The following E2F5 variants were observed in gnomAD, a reference collection of about 807,000 sequenced individuals.
The protein encoded by E2F5 is E2F transcription factor 5, also known as transcription factor E2F5.
E2F5 carries 23 observed loss-of-function variants against 39.1 expected under a neutral mutation model. That is an observed-to-expected ratio of 0.59 (90% CI 0.42 to 0.83). The LOEUF (loss-of-function observed/expected upper bound fraction) is 0.83. E2F5 is among the 40% of genes least tolerant of loss of function. The pLI is 0.00. For synonymous variants in E2F5, 145 were observed against 157.8 expected (o/e 0.92, Z 0.61); for missense variants, 365 against 406.7 (o/e 0.90, Z 0.88).
chr8:85,185,338 C>T (rs966173943), intron 1 of E2F5, among the ~76,000 whole-genome samples: 2 of 152,100 alleles, frequency 1.3e-5, no homozygotes, highest in Non-Finnish European at 2.9e-5. Context: ...GGAGCCCTTC[C>T]TTACACCTTA....
At chr8:85,192,353 C>T (rs1034039225) in intron 1 of E2F5, among the ~76,000 whole-genome samples, 3 of 152,004 alleles carry the variant, frequency 2.0e-5, no homozygotes, top group African/African-American at 7.2e-5. Context: ...GGTTTGGAAC[C>T]CAAGATAAAG....
intron 1 of E2F5, among the ~76,000 whole-genome samples, chr8:85,183,817 A>G (rs1329720000): frequency 6.6e-6 from 1 of 152,204 alleles, no homozygotes; most frequent in Non-Finnish European, 1.5e-5. Flanking sequence ...TCATATGTTG[A>G]AGGCCTTACC....
intron 1 of E2F5, among the ~76,000 whole-genome samples, chr8:85,194,270 C>G (rs4150906): frequency 1.1e-3 from 174 of 151,998 alleles, no homozygotes; most frequent in African/African-American, 3.9e-3. Context: ...ATGGGCTATT[C>G]GGCAGTTAAT....
At chr8:85,191,120 A>G (rs775823018) in intron 1 of E2F5, among the ~76,000 whole-genome samples, 1 of 152,320 alleles carries the variant, frequency 6.6e-6, no homozygotes, top group Non-Finnish European at 1.5e-5. Flanking sequence ...CTACTATTCA[A>G]CCATTAAAAA....
rs759163613 is a variant in E2F5 at position 85,206,766 on chromosome 8, C to T, written c.550+546C>T. On this transcript the variant is annotated intron_variant, in intron 4 of 7. Coordinates refer to ENST00000416274, the MANE Select transcript of E2F5 (RefSeq NM_001951.4). The stretch of plus-strand genomic sequence containing the variant: ...TATTAATATAACTAAAATGGGGGGA[C>T]GTGTGTTCCCAAAATTATAGCACAA... Among the ~76,000 whole-genome samples, 6 of 151,942 alleles carry T rather than the reference C, an allele frequency of 3.9e-5. No homozygotes were observed. The South Asian group carries it at 1.0e-3, about 26-fold the overall frequency.
At chr8:85,180,781 A>G (rs1216367875) in intron 1 of E2F5, among the ~76,000 whole-genome samples, 4 of 150,368 alleles carry the variant, frequency 2.7e-5, no homozygotes, top group South Asian at 2.1e-4. Flanking sequence ...GGGTTTCACC[A>G]TGTTAGCCAG....
chr8:85,212,092 G>A (rs1812937939), intron 6 of E2F5, 65 bp from the exon 7 acceptor site: 1 of 1,266,882 alleles, frequency 7.9e-7, no homozygotes, highest in Admixed American at 1.8e-5. Flanking sequence ...GTGACTACTT[G>A]TGTTTAAATA....
intron 2 of E2F5, 92 bp downstream of exon 2, chr8:85,202,348 C>T: frequency 3.2e-6 from 3 of 926,728 alleles, no homozygotes; most frequent in Non-Finnish European, 4.8e-6. Context: ...TCTCCCAAAT[C>T]CTCTATTTCA....
chr8:85,196,157 C>A (rs1485129382), intron 1 of E2F5, among the ~76,000 whole-genome samples: 1 of 152,136 alleles, frequency 6.6e-6, no homozygotes, highest in Non-Finnish European at 1.5e-5. Flanking sequence ...CATGCGGCTC[C>A]TGGAGGGAGC....
In E2F5 at chr8:85,209,154, C is replaced by T. The variant is rs1010324127; in HGVS notation, c.628C>T (p.Gln210Ter). 1 of 1,613,710 alleles carries T rather than the reference C, an allele frequency of 6.2e-7. No homozygotes were observed. Among genetic ancestry groups the T allele is most frequent in the Non-Finnish European group, 8.5e-7 (1 of 1,179,798 alleles). ...AATAACTTCAAAGGGTCAGAATGGACAAAAGAAATACCAGATCAATCTAAA... is the reference window on the plus strand; with the variant it reads ...AATAACTTCAAAGGGTCAGAATGGATAAAAGAAATACCAGATCAATCTAAA... The part of the protein sequence containing the change: ...VPIPEMGQNG[Q>*]KKYQINLKSH... Residue 210 changes from glutamine (Q) to a stop codon, truncating the protein, a stop_gained, in exon 6 of 8, where the codon CAA becomes TAA. Transcript: ENST00000416274. LOFTEE classifies it high-confidence loss of function.
chr8:85,200,037 A>G (rs1812660345), intron 1 of E2F5, among the ~76,000 whole-genome samples: 1 of 152,140 alleles, frequency 6.6e-6, no homozygotes, highest in Non-Finnish European at 1.5e-5. Flanking sequence ...ATCTGGGGTC[A>G]GGAGCTCAAG....
chr8:85,206,685 T>G (rs540480299), intron 4 of E2F5, among the ~76,000 whole-genome samples: 1 of 152,284 alleles, frequency 6.6e-6, no homozygotes, highest in Non-Finnish European at 1.5e-5. Context: ...TCCTATGCAA[T>G]TTGCTGCCCC....
chr8:85,185,832 T>C (rs866454735), intron 1 of E2F5, among the ~76,000 whole-genome samples: 11 of 152,318 alleles, frequency 7.2e-5, no homozygotes, highest in Middle Eastern at 3.4e-3. Flanking sequence ...CCAGTTACAA[T>C]GGCGATCATT....
intron 1 of E2F5, among the ~76,000 whole-genome samples, chr8:85,187,420 A>T (rs765371264): frequency 3.3e-5 from 5 of 152,060 alleles, no homozygotes; most frequent in African/African-American, 1.2e-4. Flanking sequence ...ATTACTGTTT[A>T]TCTCTCCCTT....
intron 1 of E2F5, among the ~76,000 whole-genome samples, chr8:85,185,783 A>G (rs7842013): frequency 0.68 from 103,673 of 152,160 alleles, 35,879 homozygotes; most frequent in African/African-American, 0.72. Context: ...GGTCATTGGA[A>G]AAATGCGAAT....
At chr8:85,211,220 T>TAAA (rs5892938) in intron 6 of E2F5, among the ~76,000 whole-genome samples, 2,800 of 112,362 alleles carry the variant, frequency 0.025, 103 homozygotes, top group African/African-American at 0.092. Context: ...ACCCTATCTC[T>TAAA]AAAAAAAAAA....
In E2F5 at chr8:85,207,401, C is replaced by CT. The variant is rs1433475327; in HGVS notation, c.551-19dup. ...CCATGATCAACAGTATTTTATGTAA[C>CT]TTTTTATATTTATTTTTGACCAGGT... is the stretch of plus-strand genomic sequence containing the variant. On this transcript the variant is annotated intron_variant, in intron 4 of 7. Transcript: ENST00000416274. The CT allele has an allele frequency of 3.2e-6, 5 of 1,545,522 alleles. No individual in the cohort carries two copies. In the African/African-American group the frequency reaches 6.9e-5, roughly 21 times the overall value.
At chr8:85,184,876 TG>T (rs1236454274) in intron 1 of E2F5, among the ~76,000 whole-genome samples, 1 of 152,166 alleles carries the variant, frequency 6.6e-6, no homozygotes, top group Non-Finnish European at 1.5e-5. Flanking sequence ...CACAAACAAA[TG>T]GAAAAACATT....
intron 1 of E2F5, among the ~76,000 whole-genome samples, chr8:85,188,193 A>C (rs1398218297): frequency 6.6e-6 from 1 of 152,164 alleles, no homozygotes; most frequent in African/African-American, 2.4e-5. Flanking sequence ...TAACTTTTAC[A>C]CAAAATCCAG....
Sources: gnomAD v4.1 joint callset for allele counts (sites outside exome capture counted in the v4.1 genomes callset) on GRCh38, gnomAD v4.1.1 for gene constraint, MANE v1.5 for transcripts, NCBI Gene and HGNC (gene_info 2026-07-23, HGNC 2026-07-21) for gene names.